Variants in EMC1 observed in about 807,000 individuals in gnomAD.
EMC1 encodes KIAA0090.
Under a neutral mutation model 128.8 loss-of-function variants are expected in EMC1, and 103 were observed. The ratio of observed to expected loss-of-function variants is 0.80; its 90% CI spans 0.68 to 0.94. The LOEUF (loss-of-function observed/expected upper bound fraction) is 0.94, where lower values mean the gene tolerates loss of function less well. Among genes scored for constraint, EMC1 ranks in the 40% least tolerant of loss-of-function variants. The pLI is 0.00. For synonymous variants in EMC1, 442 were observed against 490.4 expected, an observed-to-expected ratio of 0.90 and a Z score of 1.30; for missense variants, 1,083 against 1,250.6, an observed-to-expected ratio of 0.87 and a Z score of 2.02.
At chr1:19,242,538 C>T (rs1467489490) in intron 4 of EMC1, 65 bp from the exon 5 acceptor site, 2 of 1,580,556 alleles carry the variant, frequency 1.3e-6, no homozygotes, top group African/African-American at 2.7e-5. Flanking sequence ...AGAGACAGTC[C>T]AGAACAGTAC....
intron 13 of EMC1, among the ~76,000 whole-genome samples, chr1:19,233,573 T>C (rs10917241): frequency 0.19 from 28,985 of 152,126 alleles, 3,567 homozygotes; most frequent in African/African-American, 0.34. Context: ...CCATCTCCCA[T>C]TGCTTCATTC....
intron 1 of EMC1, among the ~76,000 whole-genome samples, chr1:19,249,338 G>A (rs567053029): frequency 6.6e-6 from 1 of 152,072 alleles, no homozygotes; most frequent in Non-Finnish European, 1.5e-5. Flanking sequence ...CCCTATACCA[G>A]TGTACCATTT....
At chr1:19,240,224 G>GGGGA in intron 7 of EMC1, 73 bp downstream of exon 7, 1 of 1,580,400 alleles carries the variant, frequency 6.3e-7, no homozygotes, top group Admixed American at 1.7e-5. Flanking sequence ...AGACCCTCCA[G>GGGGA]GGGAATCATG....
intron 9 of EMC1, 38 bp downstream of exon 9, chr1:19,239,193 G>A (rs1328935461): frequency 1.3e-5 from 20 of 1,585,998 alleles, no homozygotes; most frequent in Non-Finnish European, 1.6e-5. Flanking sequence ...GACCAGGAAG[G>A]AAAATCCCAA....
At position 19,222,835 on chromosome 1, in the gene EMC1, C is replaced by CT; in HGVS notation, c.2377-2dup. On this transcript the variant is annotated splice_acceptor_variant, in intron 19 of 22. Coordinates refer to ENST00000477853, the MANE Select transcript of EMC1 (RefSeq NM_015047.3). LOFTEE classifies it high-confidence loss of function. ...GAGCCTTGGTGTTCCAGTACTGGTA[C>CT]TGCAGGGATAGGAGGTGGCAGCTCA... is the stretch of plus-strand genomic sequence containing the variant. 6.2e-7 allele frequency: 1 copy of CT among 1,601,854 alleles called. No homozygotes were observed. Among genetic ancestry groups the CT allele is most frequent in the South Asian group, 1.1e-5 (1 of 90,026 alleles).
intron 18 of EMC1, among the ~76,000 whole-genome samples, chr1:19,227,090 A>G (rs2093480616): frequency 1.3e-5 from 2 of 152,192 alleles, no homozygotes; most frequent in Admixed American, 6.5e-5. Context: ...CTTACTTACC[A>G]TATGCTAGGC....
chr1:19,232,633 C>T lies in EMC1; in HGVS notation c.1773G>A (p.Val591=), dbSNP rs2093532530. The change falls in exon 15 of 23, where the codon GTG becomes GTA. Residue 591 remains valine, a synonymous_variant. Transcript: ENST00000477853. Reference sequence around the variant, plus strand: ...GAGCTGGATGCCTCACCTTGTCCTTCACCAGCAGGGTGCACTGTGGGGGAT... The same window carrying T: ...GAGCTGGATGCCTCACCTTGTCCTTTACCAGCAGGGTGCACTGTGGGGGAT... ...FPHPPQCTLL[V]KDKESGMSSL... is the part of the protein sequence containing the mutation. The T allele has an allele frequency of 6.2e-7, 1 of 1,614,136 alleles. No individual in the cohort carries two copies. The highest frequency in any genetic ancestry group is 2.2e-5 in the East Asian group (1 of 44,882).
chr1:19,216,244 C>CAAAAAAAAAAAAA lies in EMC1; in HGVS notation c.*3058_*3059insTTTTTTTTTTTTT, dbSNP rs1553250515. Reference sequence around the variant, plus strand: ...AGAGACCCTGCCTCCAAAAAAAAAGCAATTTATAAAGGCAGTGAAATTACA... The same window carrying CAAAAAAAAAAAAA: ...AGAGACCCTGCCTCCAAAAAAAAAGCAAAAAAAAAAAAAAATTTATAAAGGCAGTGAAATTACA... On this transcript the variant is annotated 3_prime_UTR_variant, in exon 23 of 23. Transcript: ENST00000477853. 2 of 98,114 alleles carry CAAAAAAAAAAAAA rather than the reference C, an allele frequency of 2.0e-5. No individual in the cohort carries two copies. 6.1% of individuals were successfully genotyped at this position (98,114 alleles called of 1,614,324 possible). A position where few individuals can be genotyped will look rare whatever the true frequency, so the allele number is the denominator to read the frequency against.
At chr1:19,230,368 A>C (rs1225384141) in intron 17 of EMC1, among the ~76,000 whole-genome samples, 2 of 151,912 alleles carry the variant, frequency 1.3e-5, no homozygotes, top group African/African-American at 4.8e-5. Flanking sequence ...CAGGAGTTTG[A>C]GACCATCCTG....
intron 1 of EMC1, among the ~76,000 whole-genome samples, chr1:19,246,967 T>C (rs750692866): frequency 3.9e-5 from 6 of 152,042 alleles, no homozygotes; most frequent in Admixed American, 6.6e-5. Context: ...CTTAATCCAA[T>C]AGAGGAAGAG....
At chr1:19,240,145 G>T in intron 7 of EMC1, 152 bp downstream of exon 7, 2 of 1,196,616 alleles carry the variant, frequency 1.7e-6, no homozygotes, top group Non-Finnish European at 1.2e-6. Flanking sequence ...GAAAGTGACT[G>T]ATTTCCTCTT....
rs1362866712 is a variant in EMC1, at chr1:19,216,654, G to A, written c.*2649C>T. 1 of 152,164 alleles carries A rather than the reference G, an allele frequency of 6.6e-6. No homozygotes were observed. Among genetic ancestry groups the A allele is most frequent in the African/African-American group, 2.4e-5 (1 of 41,436 alleles). 9.4% of individuals were successfully genotyped at this position (152,164 alleles called of 1,614,324 possible). A position where few individuals can be genotyped will look rare whatever the true frequency, so the allele number is the denominator to read the frequency against. ...CAAGAACAAACACTAGACTACCAGTGCTCATATACGTAATTAATGAATACT... is the reference window on the plus strand; with the variant it reads ...CAAGAACAAACACTAGACTACCAGTACTCATATACGTAATTAATGAATACT... On this transcript the variant is annotated 3_prime_UTR_variant, in exon 23 of 23. Coordinates refer to ENST00000477853, the MANE Select transcript of EMC1 (RefSeq NM_015047.3).
chr1:19,221,935 T>C (rs988413563), intron 20 of EMC1: 2 of 152,840 alleles, frequency 1.3e-5, no homozygotes, highest in African/African-American at 2.4e-5. Flanking sequence ...GGCGTGGTGG[T>C]GCACGCCTGT....
At chr1:19,250,221 A>G (rs1465004636) in intron 1 of EMC1, among the ~76,000 whole-genome samples, 1 of 87,100 alleles carries the variant, frequency 1.1e-5, no homozygotes. Context: ...ACTGTCTCAA[A>G]AAAAAAAAAA....
intron 13 of EMC1, among the ~76,000 whole-genome samples, chr1:19,234,483 G>A (rs753190894): frequency 2.6e-5 from 4 of 152,146 alleles, no homozygotes; most frequent in Non-Finnish European, 4.4e-5. Flanking sequence ...CTGCTTTAGG[G>A]ACAATGAGTA....
At chr1:19,239,725 G>C (rs2093592142) in intron 8 of EMC1, 93 bp downstream of exon 8, 9 of 1,364,394 alleles carry the variant, frequency 6.6e-6, no homozygotes. Flanking sequence ...GGGCCTAAGA[G>C]CAAACGTTTC....
chr1:19,224,922 C>T (rs894335086), intron 18 of EMC1, among the ~76,000 whole-genome samples: 1 of 152,118 alleles, frequency 6.6e-6, no homozygotes, highest in Non-Finnish European at 1.5e-5. Context: ...AGGCTCTCCC[C>T]GCAGCTACCC....
In EMC1 at chr1:19,223,531, GCT is replaced by G. The variant is rs773033814; in HGVS notation, c.2239_2240del (p.Ser747HisfsTer6). On this transcript the variant is annotated frameshift_variant, in exon 19 of 23. Coordinates refer to ENST00000477853, the MANE Select transcript of EMC1 (RefSeq NM_015047.3). LOFTEE classifies it high-confidence loss of function. ...AGGTGCGCTCATGGTGCGCGTCTGT[GCT>G]CTCTGTCACCACGGCCAGCAGGTTG... ...NPNLLAVVTESTDAHHERTFI... is the reference protein window; with the variant it reads ...NPNLLAVVTEXTDAHHERTFI... 2 of 1,614,126 alleles carry G rather than the reference GCT, an allele frequency of 1.2e-6. No individual in the cohort carries two copies. The highest frequency in any genetic ancestry group is 1.7e-6 in the Non-Finnish European group (2 of 1,180,040).
intron 2 of EMC1, 187 bp downstream of exon 2, chr1:19,244,718 AG>A: frequency 3.5e-6 from 2 of 563,818 alleles, no homozygotes; most frequent in Non-Finnish European, 6.2e-6. Context: ...CAAACCGCAA[AG>A]GTCAGTTATA....
Sources: gnomAD v4.1 joint callset for allele counts (sites outside exome capture counted in the v4.1 genomes callset) on GRCh38, gnomAD v4.1.1 for gene constraint, MANE v1.5 for transcripts, NCBI Gene and HGNC (gene_info 2026-07-23, HGNC 2026-07-21) for gene names.